Variants in CEP112 observed in about 807,000 individuals in gnomAD.
CEP112 encodes centrosomal protein 112.
CEP112 carries 127 observed loss-of-function variants against 153.0 expected under a neutral mutation model. That is an observed-to-expected ratio of 0.83 (90% confidence interval 0.72 to 0.96). The LOEUF (loss-of-function observed/expected upper bound fraction) is 0.96, where lower values mean the gene tolerates loss of function less well. CEP112 is among the 40% of genes least tolerant of loss of function. The probability of loss-of-function intolerance (pLI) is 0.00; values close to 1 mark genes in which losing one functional copy is unlikely to be tolerated. For synonymous variants in CEP112, 358 were observed against 374.4 expected, an observed-to-expected ratio of 0.96 and a Z score of 0.51; for missense variants, 1,089 against 1,101.2, an observed-to-expected ratio of 0.99 and a Z score of 0.16.
chr17:66,064,755 T>A (rs1359775626), intron 10 of CEP112, among the ~76,000 whole-genome samples: 1 of 152,190 alleles, frequency 6.6e-6, no homozygotes, highest in Non-Finnish European at 1.5e-5. Flanking sequence ...TAAAACCTCA[T>A]CATTTTTAAA....
chr17:65,640,915 T>G, intron 25 of CEP112, 49 bp downstream of exon 25: 2 of 1,029,418 alleles, frequency 1.9e-6, no homozygotes, highest in Non-Finnish European at 3.0e-6. Context: ...AAGTTTCTTT[T>G]CAGAGTATCC....
At chr17:66,032,430 C>G (rs2065529584) in intron 12 of CEP112, among the ~76,000 whole-genome samples, 1 of 151,428 alleles carries the variant, frequency 6.6e-6, no homozygotes, top group African/African-American at 2.4e-5. Flanking sequence ...AATAGATTGT[C>G]CAAGGAGGAG....
rs554558888 is a variant in CEP112 at position 66,142,584 on chromosome 17, T to C, written c.471-9821A>G. Among the ~76,000 whole-genome samples the C allele has an allele frequency of 2.6e-5, 4 of 152,294 alleles. No homozygotes were observed. The East Asian group carries it at 7.7e-4, about 29-fold the overall frequency. ...TATGCTTGTGGACTTCCGGTTTTCC[T>C]AACACCATTTATTGAAGTGATTATC... is the stretch of plus-strand genomic sequence containing the variant. On this transcript the variant is annotated intron_variant, in intron 4 of 26. Coordinates refer to ENST00000535342, the MANE Select transcript of CEP112 (RefSeq NM_001199165.4).
rs1305077546 is a variant in CEP112 at position 65,961,443 on chromosome 17, T to C, written c.1872+20A>G. Reference sequence around the variant, plus strand: ...CTGAGAGAGTGACTTTCAAAAGGGATGGTGTGGCAGCCTCCTTACCTGCTC... The same window carrying C: ...CTGAGAGAGTGACTTTCAAAAGGGACGGTGTGGCAGCCTCCTTACCTGCTC... On this transcript the variant is annotated intron_variant, in intron 18 of 26. Transcript: ENST00000535342. The C allele has an allele frequency of 3.8e-5, 60 of 1,571,128 alleles. No individual in the cohort carries two copies. The highest frequency in any genetic ancestry group is 5.1e-5 in the Non-Finnish European group (59 of 1,149,316).
At chr17:65,653,871 C>T (rs2045916226) in intron 24 of CEP112, among the ~76,000 whole-genome samples, 1 of 151,726 alleles carries the variant, frequency 6.6e-6, no homozygotes, top group Admixed American at 6.6e-5. Flanking sequence ...CCAGCCTGGC[C>T]AACATGGTGA....
At chr17:65,786,402 TTTC>T (rs1202966858) in intron 21 of CEP112, among the ~76,000 whole-genome samples, 1 of 151,986 alleles carries the variant, frequency 6.6e-6, no homozygotes, top group Non-Finnish European at 1.5e-5. Flanking sequence ...CGGGATGACT[TTTC>T]TTTTCTTGCC....
chr17:66,157,391 A>C (rs1207526352), intron 4 of CEP112, among the ~76,000 whole-genome samples: 4 of 152,196 alleles, frequency 2.6e-5, no homozygotes, highest in African/African-American at 9.7e-5. Context: ...CTAAATATGG[A>C]AACGAAAAAC....
At chr17:66,169,282 C>CT (rs538896272) in intron 4 of CEP112, among the ~76,000 whole-genome samples, 28,852 of 120,934 alleles carry the variant, frequency 0.24, 5,282 homozygotes, top group East Asian at 0.73. Context: ...TTAATTTCTT[C>CT]TTTTTTTTTT....
At chr17:65,769,764 T>G (rs950213450) in intron 21 of CEP112, among the ~76,000 whole-genome samples, 11 of 152,164 alleles carry the variant, frequency 7.2e-5, no homozygotes, top group African/African-American at 2.6e-4. Flanking sequence ...AAAAATCAAC[T>G]GTCTCTCCAA....
chr17:65,741,359 T>G (rs1231171744), intron 23 of CEP112, among the ~76,000 whole-genome samples: 1 of 152,088 alleles, frequency 6.6e-6, no homozygotes, highest in Non-Finnish European at 1.5e-5. Context: ...AAAAGAAATG[T>G]CATTTACTTT....
At chr17:66,174,353 T>A (rs1217441657) in intron 4 of CEP112, among the ~76,000 whole-genome samples, 1 of 152,154 alleles carries the variant, frequency 6.6e-6, no homozygotes, top group African/African-American at 2.4e-5. Flanking sequence ...ACCAAAAAAA[T>A]TATAGTGGAC....
In CEP112 at chr17:65,682,002, CT is replaced by C. The variant is rs1373207540; in HGVS notation, c.2697+7126del. ...GCCTGAATTTTTCTTTTCTTTCTTT[CT>C]TTTTTTTTGAGATGGAGTCTCACTC... On this transcript the variant is annotated intron_variant, in intron 24 of 26. Transcript: ENST00000535342. Among the ~76,000 whole-genome samples, 40 of 149,720 alleles carry C rather than the reference CT, an allele frequency of 2.7e-4. No homozygotes were observed. In the South Asian group the frequency reaches 7.9e-3, roughly 30 times the overall value.
chr17:66,024,947 T>A (rs899218281), intron 16 of CEP112, among the ~76,000 whole-genome samples: 8 of 151,584 alleles, frequency 5.3e-5, no homozygotes. Flanking sequence ...TAAAAATAGA[T>A]CAGTAGAACA....
At chr17:66,025,691 C>A (rs536593063) in intron 16 of CEP112, among the ~76,000 whole-genome samples, 6 of 152,018 alleles carry the variant, frequency 3.9e-5, no homozygotes, top group Admixed American at 3.9e-4. Flanking sequence ...AACACTAACA[C>A]TCTGCTGGTG....
At chr17:66,118,881 G>A (rs1221857550) in intron 6 of CEP112, among the ~76,000 whole-genome samples, 1 of 125,878 alleles carries the variant, frequency 7.9e-6, no homozygotes, top group Non-Finnish European at 1.7e-5. Context: ...TAACAAAATA[G>A]TTCCATCAAA....
chr17:66,189,584 T>TAA (rs35113766), intron 1 of CEP112, among the ~76,000 whole-genome samples: 1 of 148,444 alleles, frequency 6.7e-6, no homozygotes. Context: ...AGTATACATT[T>TAA]AAAAAAAAAA....
intron 18 of CEP112, among the ~76,000 whole-genome samples, chr17:65,948,551 C>G (rs1399644286): frequency 1.3e-5 from 2 of 149,542 alleles, no homozygotes; most frequent in African/African-American, 4.9e-5. Flanking sequence ...AAATATAGAA[C>G]GCTGTTTCTT....
intron 21 of CEP112, among the ~76,000 whole-genome samples, chr17:65,766,035 A>G (rs535475226): frequency 6.6e-6 from 1 of 150,906 alleles, no homozygotes; most frequent in African/African-American, 2.4e-5. Flanking sequence ...AATTGTTTGT[A>G]AAGCAATTCA....
At chr17:66,034,416 A>G (rs866527885) in intron 12 of CEP112, among the ~76,000 whole-genome samples, 2 of 152,152 alleles carry the variant, frequency 1.3e-5, no homozygotes, top group African/African-American at 4.8e-5. Context: ...TTTTTTCCTT[A>G]TATGAATCCA....
Sources: gnomAD v4.1 joint callset for allele counts (sites outside exome capture counted in the v4.1 genomes callset) on GRCh38, gnomAD v4.1.1 for gene constraint, MANE v1.5 for transcripts, NCBI Gene and HGNC (gene_info 2026-07-23, HGNC 2026-07-21) for gene names.